HS3ST4: variants seen among roughly 807,000 people sequenced by gnomAD.
HS3ST4 encodes heparan sulfate-glucosamine 3-sulfotransferase 4, also known as heparan sulfate glucosamine 3-O-sulfotransferase 4.
A neutral mutation model predicts 29.2 loss-of-function variants in HS3ST4; 17 were observed. That is an observed-to-expected ratio of 0.58 (90% confidence interval 0.40 to 0.87). The LOEUF is 0.87. HS3ST4 is among the 40% of genes least tolerant of loss of function. The pLI is 0.00. For missense variants in HS3ST4, 627 were observed against 634.5 expected (o/e 0.99, Z 0.13); for synonymous variants, 314 against 285.7 (o/e 1.10, Z -1.00).
At chr16:25,889,919 CTCTCTT>C (rs1967991375) in intron 1 of HS3ST4, among the ~76,000 whole-genome samples, 1 of 152,246 alleles carries the variant, frequency 6.6e-6, no homozygotes, top group African/African-American at 2.4e-5. Context: ...CTCTCTCTCT[CTCTCTT>C]GCCTGCTGCC....
chr16:25,923,646 G>T (rs1202502960), intron 1 of HS3ST4, among the ~76,000 whole-genome samples: 1 of 152,182 alleles, frequency 6.6e-6, no homozygotes, highest in Admixed American at 6.5e-5. Context: ...GTGCATGTGT[G>T]AAAGAGAGTC....
chr16:25,844,960 C>T (rs549750816), intron 1 of HS3ST4, among the ~76,000 whole-genome samples: 3 of 152,222 alleles, frequency 2.0e-5, no homozygotes, highest in African/African-American at 4.8e-5. Flanking sequence ...GAAACCCAAA[C>T]ACTGCATGTT....
At chr16:25,848,800 T>A (rs1422637060) in intron 1 of HS3ST4, among the ~76,000 whole-genome samples, 2 of 152,078 alleles carry the variant, frequency 1.3e-5, no homozygotes, top group Non-Finnish European at 2.9e-5. Flanking sequence ...TTTTTTGTTT[T>A]ACTTTCTTCA....
intron 1 of HS3ST4, among the ~76,000 whole-genome samples, chr16:25,750,892 C>T (rs1966714430): frequency 6.6e-6 from 1 of 152,136 alleles, no homozygotes; most frequent in South Asian, 2.1e-4. Flanking sequence ...AAAACAGTTC[C>T]CTCCGCAGCA....
chr16:25,841,049 C>T (rs904848612), intron 1 of HS3ST4, among the ~76,000 whole-genome samples: 16 of 151,106 alleles, frequency 1.1e-4, no homozygotes, highest in South Asian at 4.2e-4. Context: ...CTGTCACCTA[C>T]GCTGGAGTGC....
intron 1 of HS3ST4, among the ~76,000 whole-genome samples, chr16:25,767,830 G>A (rs1966830729): frequency 6.6e-6 from 1 of 152,208 alleles, no homozygotes; most frequent in South Asian, 2.1e-4. Flanking sequence ...GCTAGTGAGT[G>A]CCAAAGCTGC....
At chr16:25,760,816 A>G (rs147785845) in intron 1 of HS3ST4, among the ~76,000 whole-genome samples, 52 of 152,244 alleles carry the variant, frequency 3.4e-4, no homozygotes, top group African/African-American at 1.2e-3. Flanking sequence ...TCAACATACA[A>G]TGTTTATTTT....
intron 1 of HS3ST4, among the ~76,000 whole-genome samples, chr16:25,850,340 G>A (rs1181717842): frequency 6.6e-6 from 1 of 151,948 alleles, no homozygotes; most frequent in African/African-American, 2.4e-5. Context: ...AATTCTGTAT[G>A]GGCTGGGAAA....
chr16:25,927,729 A>G (rs1330648850), intron 1 of HS3ST4, among the ~76,000 whole-genome samples: 3 of 151,910 alleles, frequency 2.0e-5, no homozygotes, highest in Non-Finnish European at 4.4e-5. Context: ...GGATTTATAA[A>G]AAGAAGCTAG....
chr16:26,105,714 C>T (rs1899046625), intron 1 of HS3ST4, among the ~76,000 whole-genome samples: 1 of 152,236 alleles, frequency 6.6e-6, no homozygotes, highest in Non-Finnish European at 1.5e-5. Context: ...GCCAGACGGG[C>T]TTTCGCCCCA....
At chr16:26,113,640 C>G (rs781039932) in intron 1 of HS3ST4, among the ~76,000 whole-genome samples, 35 of 152,078 alleles carry the variant, frequency 2.3e-4, no homozygotes, top group Middle Eastern at 6.8e-3. Flanking sequence ...TTTTGGTCAA[C>G]CATTTATCAG....
intron 1 of HS3ST4, among the ~76,000 whole-genome samples, chr16:25,846,667 G>A (rs1206922060): frequency 1.3e-5 from 2 of 151,780 alleles, no homozygotes; most frequent in Admixed American, 6.6e-5. Flanking sequence ...TAATTTGAGT[G>A]TTCATTCTTT....
At chr16:26,082,944 C>T (rs1435233102) in intron 1 of HS3ST4, among the ~76,000 whole-genome samples, 2 of 152,246 alleles carry the variant, frequency 1.3e-5, no homozygotes, top group African/African-American at 2.4e-5. Context: ...TGTTCTAACA[C>T]AAGCATCCAT....
intron 1 of HS3ST4, among the ~76,000 whole-genome samples, chr16:25,844,619 TC>T (rs1483930006): frequency 6.6e-6 from 1 of 152,172 alleles, no homozygotes; most frequent in African/African-American, 2.4e-5. Flanking sequence ...GTTAATTAGT[TC>T]AACCATTGTG....
intron 1 of HS3ST4, among the ~76,000 whole-genome samples, chr16:25,811,515 C>T (rs1967042140): frequency 6.6e-6 from 1 of 150,470 alleles, no homozygotes; most frequent in Admixed American, 6.6e-5. Flanking sequence ...CCCACTGCAA[C>T]CTCCGCCTCC....
Position 26,135,714 on chromosome 16 carries a change from G to A in HS3ST4, c.837G>A (p.Lys279=). The change falls in exon 2 of 2, where the codon AAG becomes AAA. Residue 279 remains lysine, a synonymous_variant. Transcript: ENST00000331351. ...EAPKRIHSMA[K]DIKLIVVVRN... ...CCAAGCGCATTCACTCCATGGCCAA[G>A]GACATCAAACTGATTGTGGTGGTGA... 6.2e-7 allele frequency: 1 copy of A among 1,614,092 alleles called. No individual in the cohort carries two copies. Among genetic ancestry groups the A allele is most frequent in the Non-Finnish European group, 8.5e-7 (1 of 1,179,992 alleles).
intron 1 of HS3ST4, among the ~76,000 whole-genome samples, chr16:25,852,878 TTG>T (rs1319400788): frequency 1.3e-5 from 2 of 152,206 alleles, no homozygotes; most frequent in Non-Finnish European, 1.5e-5. Context: ...CAGTTTAATT[TTG>T]TGTGTGCAAT....
At chr16:25,853,324 A>G (rs930049810) in intron 1 of HS3ST4, among the ~76,000 whole-genome samples, 4 of 151,824 alleles carry the variant, frequency 2.6e-5, no homozygotes, top group East Asian at 1.9e-4. Context: ...ATATATATAT[A>G]TATATATTCC....
chr16:26,100,867 GA>G (rs1252322747), intron 1 of HS3ST4, among the ~76,000 whole-genome samples: 6 of 152,188 alleles, frequency 3.9e-5, no homozygotes, highest in Admixed American at 1.3e-4. Context: ...GATAGTCAAG[GA>G]AGCTATTATT....
Sources: allele counts gnomAD v4.1 joint callset (sites outside exome capture counted in the v4.1 genomes callset), GRCh38; gene constraint gnomAD v4.1.1; transcripts MANE v1.5; gene names NCBI Gene and HGNC (gene_info 2026-07-23, HGNC 2026-07-21).